TMEM132C: variants seen among roughly 807,000 people sequenced by gnomAD.
The protein encoded by TMEM132C is protein phosphatase 1, regulatory subunit 152.
Under a neutral mutation model 61.4 loss-of-function variants are expected in TMEM132C, and 29 were observed. The ratio of observed to expected loss-of-function variants is 0.47; its 90% CI spans 0.35 to 0.64. The LOEUF (loss-of-function observed/expected upper bound fraction) is 0.64. Ranked by LOEUF, TMEM132C falls within the 30% of genes least tolerant of loss-of-function variation. The pLI, the probability that TMEM132C is intolerant of heterozygous loss-of-function variation, is 0.00. For synonymous variants in TMEM132C, 656 were observed against 633.1 expected (o/e 1.04, Z -0.54); for missense variants, 1,408 against 1,476.9 (o/e 0.95, Z 0.76).
chr12:128,423,108 T>A (rs140728059), intron 2 of TMEM132C, among the ~76,000 whole-genome samples: 143 of 152,256 alleles, frequency 9.4e-4, no homozygotes, highest in African/African-American at 3.3e-3. Context: ...CACTGTGAAA[T>A]AAGGAGGTAG....
At chr12:128,270,490 A>G (rs1176719326) in intron 1 of TMEM132C, among the ~76,000 whole-genome samples, 1 of 152,230 alleles carries the variant, frequency 6.6e-6, no homozygotes, top group Non-Finnish European at 1.5e-5. Context: ...TGAATTAAAT[A>G]CAACCAACCA....
intron 1 of TMEM132C, among the ~76,000 whole-genome samples, chr12:128,400,518 C>G (rs1875117778): frequency 6.6e-6 from 1 of 151,990 alleles, no homozygotes; most frequent in African/African-American, 2.4e-5. Flanking sequence ...CTGTTCTGCA[C>G]AGTGTAGGAT....
intron 4 of TMEM132C, among the ~76,000 whole-genome samples, chr12:128,627,353 C>G (rs1034264711): frequency 6.6e-5 from 10 of 152,084 alleles, no homozygotes; most frequent in African/African-American, 2.4e-4. Context: ...CTCATTTTAG[C>G]CTTGACAAAA....
chr12:128,623,506 G>A lies in TMEM132C; in HGVS notation c.1305+7171G>A, dbSNP rs185221520. Among the ~76,000 whole-genome samples, 291 of 151,576 alleles carry A rather than the reference G, an allele frequency of 1.9e-3. 1 individual carries two copies. The highest frequency in any genetic ancestry group is 6.3e-3 in the African/African-American group (261 of 41,330). ...AAAGCTATGTTCTAATTTTAAAGAT[G>A]ATAAGATGATATAACTTCAGCCGGG... On this transcript the variant is annotated intron_variant, in intron 4 of 8. Coordinates refer to ENST00000435159, the MANE Select transcript of TMEM132C (RefSeq NM_001136103.3).
chr12:128,581,739 C>T (rs1382997014), intron 3 of TMEM132C, among the ~76,000 whole-genome samples: 3 of 152,168 alleles, frequency 2.0e-5, no homozygotes, highest in Non-Finnish European at 4.4e-5. Context: ...GCGATCTAAG[C>T]AGTGCCAAGT....
intron 2 of TMEM132C, among the ~76,000 whole-genome samples, chr12:128,426,297 G>A (rs1869181833): frequency 6.6e-6 from 1 of 152,180 alleles, no homozygotes; most frequent in African/African-American, 2.4e-5. Context: ...GATATCTGAG[G>A]ATATGAGAAA....
chr12:128,523,395 A>C (rs1872974444), intron 2 of TMEM132C, among the ~76,000 whole-genome samples: 2 of 152,208 alleles, frequency 1.3e-5, no homozygotes, highest in Admixed American at 6.5e-5. Context: ...TGTATGCTTA[A>C]AAATGCTTAA....
intron 1 of TMEM132C, among the ~76,000 whole-genome samples, chr12:128,413,512 C>T (rs1316149400): frequency 1.3e-5 from 2 of 151,736 alleles, no homozygotes; most frequent in African/African-American, 4.8e-5. Context: ...TATTGCCTGT[C>T]GACTTCCCAA....
chr12:128,321,147 T>A (rs867572096), intron 1 of TMEM132C, among the ~76,000 whole-genome samples: 1,512 of 130,582 alleles, frequency 0.012, 17 homozygotes, highest in Non-Finnish European at 0.014. Context: ...AAAATAATAA[T>A]AATAATAATA....
chr12:128,369,024 A>G (rs1466274050), intron 1 of TMEM132C, among the ~76,000 whole-genome samples: 1 of 152,204 alleles, frequency 6.6e-6, no homozygotes, highest in Non-Finnish European at 1.5e-5. Flanking sequence ...GTGTCCTGAG[A>G]AGGTGTGAGT....
At chr12:128,465,791 A>C (rs942996004) in intron 2 of TMEM132C, among the ~76,000 whole-genome samples, 1 of 152,310 alleles carries the variant, frequency 6.6e-6, no homozygotes, top group East Asian at 1.9e-4. Context: ...ACCTGACTAC[A>C]TGCATGCTAG....
intron 3 of TMEM132C, among the ~76,000 whole-genome samples, chr12:128,612,027 T>C (rs903836751): frequency 3.9e-5 from 6 of 152,000 alleles, no homozygotes; most frequent in African/African-American, 1.4e-4. Flanking sequence ...TGTGTGGGGG[T>C]GGAGAAGGGG....
intron 2 of TMEM132C, among the ~76,000 whole-genome samples, chr12:128,507,363 G>A (rs1203063711): frequency 6.7e-6 from 1 of 150,312 alleles, no homozygotes; most frequent in African/African-American, 2.5e-5. Context: ...CGTGTGCGAA[G>A]GTTTGTCCAG....
chr12:128,532,640 C>CAAAAAAA lies in TMEM132C; in HGVS notation c.975-11296_975-11290dup, dbSNP rs61283555. Among the ~76,000 whole-genome samples the CAAAAAAA allele has an allele frequency of 1.0e-4, 7 of 67,174 alleles. 1 individual carries two copies. Among genetic ancestry groups the CAAAAAAA allele is most frequent in the Admixed American group, 2.3e-4 (1 of 4,440 alleles). The allele number at this position is 67,174 out of a possible 152,430, so 44.1% of individuals were successfully genotyped here. A position where few individuals can be genotyped will look rare whatever the true frequency, so the allele number is the denominator to read the frequency against. ...TGGGTGACAGAGTGAGACTCCATCTCAAAAAAAAAAAAAAAAAAAAAAAAA... is the reference window on the plus strand; with the variant it reads ...TGGGTGACAGAGTGAGACTCCATCTCAAAAAAAAAAAAAAAAAAAAAAAAAAAAAAAA... On this transcript the variant is annotated intron_variant, in intron 2 of 8. Transcript: ENST00000435159.
At chr12:128,286,568 TGTGGACAGCAAA>T (rs1195067142) in intron 1 of TMEM132C, among the ~76,000 whole-genome samples, 1 of 152,258 alleles carries the variant, frequency 6.6e-6, no homozygotes, top group African/African-American at 2.4e-5. Context: ...AGCTTTCAAG[TGTGGACAGCAAA>T]ATAAAAAATT....
chr12:128,385,288 T>A (rs201490212), intron 1 of TMEM132C, among the ~76,000 whole-genome samples: 174 of 22,286 alleles, frequency 7.8e-3, no homozygotes, highest in South Asian at 0.022. Flanking sequence ...TGAGACATAA[T>A]CGCCGAGTCC....
intron 2 of TMEM132C, among the ~76,000 whole-genome samples, chr12:128,540,935 C>G (rs746795049): frequency 7.5e-6 from 1 of 132,628 alleles, no homozygotes; most frequent in Admixed American, 7.0e-5. Context: ...CTGTTTCTCT[C>G]TGTCTCTGTC....
At chr12:128,328,864 A>G (rs1045998408) in intron 1 of TMEM132C, among the ~76,000 whole-genome samples, 1 of 150,926 alleles carries the variant, frequency 6.6e-6, no homozygotes, top group Non-Finnish European at 1.5e-5. Context: ...TTGTGATTTG[A>G]GCCAGTTATA....
At position 128,705,541 on chromosome 12, in the gene TMEM132C, C is replaced by T. The variant is rs913635410; in HGVS notation, c.2573C>T (p.Thr858Ile). The T allele has an allele frequency of 1.3e-6, 2 of 1,550,970 alleles. No homozygotes were observed. The highest frequency in any genetic ancestry group is 2.7e-5 in the African/African-American group (2 of 73,054). The change falls in exon 9 of 9, where the codon ACC becomes ATC. Residue 858 changes from threonine (T) to isoleucine (I), a missense_variant. Coordinates refer to ENST00000435159, the MANE Select transcript of TMEM132C (RefSeq NM_001136103.3). ...GAAGGGGCTCTCCGAAGAGCCACTA[C>T]CACGGCCAGGTCCCTGCTGGACAAC... ...REEGALRRAT[T>I]TARSLLDNKV...
Sources: allele counts gnomAD v4.1 joint callset (sites outside exome capture counted in the v4.1 genomes callset), GRCh38; gene constraint gnomAD v4.1.1; transcripts MANE v1.5; gene names NCBI Gene and HGNC (gene_info 2026-07-23, HGNC 2026-07-21).